RHOG: variants seen among roughly 807,000 people sequenced by gnomAD.
RHOG encodes rho-related GTP-binding protein RhoG.
In RHOG, 1 loss-of-function variant was observed where a neutral mutation model predicts 12.3. The observed-to-expected ratio is 0.08, with a 90% CI of 0.03 to 0.39. The LOEUF (loss-of-function observed/expected upper bound fraction) is 0.39, where lower values mean the gene tolerates loss of function less well. RHOG is among the 10% of genes least tolerant of loss of function. The pLI is 0.99. For missense variants in RHOG, 114 were observed against 266.2 expected (o/e 0.43, Z 3.98); for synonymous variants, 129 against 116.0 (o/e 1.11, Z -0.72).
intron 1 of RHOG, among the ~76,000 whole-genome samples, chr11:3,833,246 G>A (rs1422413761): frequency 2.0e-5 from 3 of 151,904 alleles, no homozygotes; most frequent in Non-Finnish European, 4.4e-5. Flanking sequence ...ACTACAGGCA[G>A]GCACCACCAC....
At chr11:3,834,527 C>T (rs7101788) in intron 1 of RHOG, among the ~76,000 whole-genome samples, 12,246 of 152,244 alleles carry the variant, frequency 0.08, 541 homozygotes, top group Middle Eastern at 0.16. Context: ...ACAGCAATGA[C>T]AGGCAAAAGC....
chr11:3,828,799 T>A (rs1415710353), intron 1 of RHOG, among the ~76,000 whole-genome samples: 2 of 151,766 alleles, frequency 1.3e-5, no homozygotes, highest in Non-Finnish European at 2.9e-5. Flanking sequence ...TTTTTGTATT[T>A]TTAGTAGAGA....
At chr11:3,837,787 A>C (rs2090165933) in intron 1 of RHOG, 1 of 152,228 alleles carries the variant, frequency 6.6e-6, no homozygotes, top group South Asian at 2.1e-4. Flanking sequence ...AATGGGCCAA[A>C]GGGTGGGTTG....
intron 1 of RHOG, among the ~76,000 whole-genome samples, chr11:3,837,417 C>T (rs977877705): frequency 6.3e-4 from 95 of 150,714 alleles, no homozygotes; most frequent in African/African-American, 2.3e-3. Flanking sequence ...GCAGTACTAT[C>T]CCTGGACAGA....
At chr11:3,831,291 C>T (rs1000660146) in intron 1 of RHOG, among the ~76,000 whole-genome samples, 7 of 152,172 alleles carry the variant, frequency 4.6e-5, no homozygotes, top group Non-Finnish European at 8.8e-5. Context: ...CTTGGTCCCA[C>T]CTCCCTCCCA....
chr11:3,833,137 C>T (rs2090139745), intron 1 of RHOG, among the ~76,000 whole-genome samples: 1 of 152,060 alleles, frequency 6.6e-6, no homozygotes, highest in African/African-American at 2.4e-5. Context: ...AGGTCTTGTT[C>T]TGTTGCCCAG....
intron 1 of RHOG, among the ~76,000 whole-genome samples, chr11:3,839,648 T>C (rs2090179310): frequency 6.8e-6 from 1 of 146,634 alleles, no homozygotes; most frequent in Non-Finnish European, 1.5e-5. Context: ...AGCTCTTTAA[T>C]CCGTCTCTAT....
chr11:3,828,930 A>AT (rs61116394), intron 1 of RHOG, among the ~76,000 whole-genome samples: 33,866 of 148,802 alleles, frequency 0.23, 5,132 homozygotes, highest in African/African-American at 0.44. Context: ...AGTATTAGCT[A>AT]TTTTTTTTTT....
chr11:3,829,826 A>C (rs181071102), intron 1 of RHOG, among the ~76,000 whole-genome samples: 55 of 151,746 alleles, frequency 3.6e-4, no homozygotes, highest in African/African-American at 1.3e-3. Flanking sequence ...GACTCACTGC[A>C]ACCTCCACCT....
intron 1 of RHOG, among the ~76,000 whole-genome samples, chr11:3,838,644 T>C (rs1019968501): frequency 2.1e-5 from 3 of 141,304 alleles, no homozygotes; most frequent in African/African-American, 7.7e-5. Flanking sequence ...GAGGGACGAC[T>C]GTGACATGGG....
At chr11:3,833,242 G>A (rs1171393762) in intron 1 of RHOG, among the ~76,000 whole-genome samples, 1 of 151,918 alleles carries the variant, frequency 6.6e-6, no homozygotes, top group Non-Finnish European at 1.5e-5. Context: ...TGGGACTACA[G>A]GCAGGCACCA....
rs1262573862 is a variant in RHOG at position 3,827,926 on chromosome 11, G to A, written c.213C>T (p.Ser71=). The A allele has an allele frequency of 1.9e-5, 30 of 1,614,284 alleles. No homozygotes were observed. Among genetic ancestry groups the A allele is most frequent in the Non-Finnish European group, 2.4e-5 (28 of 1,180,052 alleles). ...QEEYDRLRTL[S]YPQTNVFVIC... The stretch of plus-strand genomic sequence containing the variant: ...TGACGAAAACGTTGGTCTGAGGGTA[G>A]GAGAGTGTACGGAGGCGGTCATACT... The change falls in exon 2 of 2, where the codon TCC becomes TCT. Residue 71 remains serine, a synonymous_variant. Transcript: ENST00000351018. The surrounding 1 kb of genome is among the most constrained non-coding windows in gnomAD (Gnocchi z 7.3).
intron 1 of RHOG, among the ~76,000 whole-genome samples, chr11:3,831,424 GTGTT>G (rs1376940452): frequency 7.2e-5 from 11 of 151,992 alleles, no homozygotes; most frequent in African/African-American, 2.4e-4. Flanking sequence ...GTGTGTGTGT[GTGTT>G]TGTGCGCGTG....
In RHOG at chr11:3,827,227, A is replaced by C; in HGVS notation, c.*336T>G. 1 of 318,612 alleles carries C rather than the reference A, an allele frequency of 3.1e-6. No individual in the cohort carries two copies. Among genetic ancestry groups the C allele is most frequent in the East Asian group, 6.0e-5 (1 of 16,642 alleles). 19.7% of individuals were successfully genotyped at this position (318,612 alleles called of 1,614,324 possible). A position where few individuals can be genotyped will look rare whatever the true frequency, so the allele number is the denominator to read the frequency against. ...GCCCCTAACCTGAGGCGGCACCACA[A>C]TAGGCAGCAACAACTGTGTGGAAAG... On this transcript the variant is annotated 3_prime_UTR_variant, in exon 2 of 2. Coordinates refer to ENST00000351018, the MANE Select transcript of RHOG (RefSeq NM_001665.4). The surrounding 1 kb of genome is among the most constrained non-coding windows in gnomAD (Gnocchi z 7.3).
intron 1 of RHOG, among the ~76,000 whole-genome samples, chr11:3,832,276 C>G (rs572601838): frequency 5.3e-5 from 8 of 152,156 alleles, no homozygotes; most frequent in Non-Finnish European, 1.2e-4. Flanking sequence ...AAATTCAGAA[C>G]AGTAAAAGTA....
At chr11:3,831,251 C>T (rs953137129) in intron 1 of RHOG, among the ~76,000 whole-genome samples, 1 of 152,126 alleles carries the variant, frequency 6.6e-6, no homozygotes. Context: ...AAGAAACTTT[C>T]GTCATGTGGG....
At chr11:3,833,504 G>A (rs1045554828) in intron 1 of RHOG, among the ~76,000 whole-genome samples, 13 of 152,144 alleles carry the variant, frequency 8.5e-5, no homozygotes, top group African/African-American at 3.1e-4. Flanking sequence ...CCTCATACTG[G>A]CATTCAGAGT....
intron 1 of RHOG, among the ~76,000 whole-genome samples, chr11:3,828,863 G>A (rs374964277): frequency 5.9e-4 from 90 of 151,812 alleles, no homozygotes; most frequent in East Asian, 4.1e-3. Flanking sequence ...CTCGTGATCC[G>A]CCCGCCTTGG....
chr11:3,835,332 GT>G (rs2090150268), intron 1 of RHOG, among the ~76,000 whole-genome samples: 1 of 152,162 alleles, frequency 6.6e-6, no homozygotes, highest in Non-Finnish European at 1.5e-5. Flanking sequence ...GCCCAGTACT[GT>G]TCCCCAGCTT....
Sources: allele counts gnomAD v4.1 joint callset (sites outside exome capture counted in the v4.1 genomes callset), GRCh38; gene constraint gnomAD v4.1.1; non-coding constraint Gnocchi (gnomAD v3.1); transcripts MANE v1.5; gene names NCBI Gene and HGNC (gene_info 2026-07-23, HGNC 2026-07-21).